The following BFSP1 variants were observed in gnomAD, a reference collection of about 807,000 sequenced individuals.
BFSP1 encodes filensin.
Under a neutral mutation model 43.9 loss-of-function variants are expected in BFSP1, and 38 were observed. The observed-to-expected ratio is 0.87, with a 90% CI of 0.67 to 1.14. BFSP1 has a LOEUF of 1.14. Ranked by LOEUF, BFSP1 falls within the 50% of genes most tolerant of loss-of-function variation. The pLI is 0.00. For missense variants in BFSP1, 850 were observed against 875.1 expected (o/e 0.97, Z 0.36); for synonymous variants, 352 against 354.8 (o/e 0.99, Z 0.09).
chr20:17,520,417 C>T (rs566443760), intron 2 of BFSP1, among the ~76,000 whole-genome samples: 1 of 152,322 alleles, frequency 6.6e-6, no homozygotes, highest in Non-Finnish European at 1.5e-5. Flanking sequence ...GACCTATTCA[C>T]AGGGATCCCA....
intron 2 of BFSP1, 78 bp from the exon 3 acceptor site, chr20:17,514,894 C>A: frequency 7.8e-7 from 1 of 1,284,998 alleles, no homozygotes; most frequent in Non-Finnish European, 1.1e-6. Flanking sequence ...TATGAGCACA[C>A]AGACCACCTG....
chr20:17,563,024 T>C (rs1210276234), upstream of BFSP1: 1 of 152,252 alleles, frequency 6.6e-6, no homozygotes, highest in Admixed American at 6.5e-5. Flanking sequence ...ATGCGGCCTG[T>C]TGGTAAAGGG....
chr20:17,504,943 T>TAAA (rs35319868), intron 5 of BFSP1, among the ~76,000 whole-genome samples: 1 of 139,442 alleles, frequency 7.2e-6, no homozygotes, highest in African/African-American at 2.6e-5. Context: ...TGTTTTGTCT[T>TAAA]AAAAAAAAAA....
chr20:17,540,894 A>G lies in BFSP1; in HGVS notation c.3-15986T>C, dbSNP rs148921149. Among the ~76,000 whole-genome samples, 673 of 152,284 alleles carry G rather than the reference A, an allele frequency of 4.4e-3. 12 individuals are homozygous for G. Among genetic ancestry groups the G allele is most frequent in the East Asian group, 0.018 (93 of 5,188 alleles). On this transcript the variant is annotated intron_variant, in intron 1 of 7. Transcript: ENST00000377868. ...AGTTTCCCACTGTTGCTACTACACC[A>G]TGGGCACTTCACCATGCTTTGTTGA...
chr20:17,512,419 G>GA (rs2034107990), intron 3 of BFSP1, among the ~76,000 whole-genome samples: 2 of 151,706 alleles, frequency 1.3e-5, no homozygotes, highest in South Asian at 4.2e-4. Flanking sequence ...AAAAAAAAGA[G>GA]AAAAAAACCA....
At chr20:17,553,030 T>A (rs893052726) in intron 1 of BFSP1, among the ~76,000 whole-genome samples, 1 of 152,056 alleles carries the variant, frequency 6.6e-6, no homozygotes, top group Non-Finnish European at 1.5e-5. Context: ...AGAGAAGAAG[T>A]CTAAGAACTT....
At chr20:17,501,212 T>C (rs558783481) in intron 5 of BFSP1, among the ~76,000 whole-genome samples, 1 of 152,362 alleles carries the variant, frequency 6.6e-6, no homozygotes, top group East Asian at 1.9e-4. Flanking sequence ...ATTCTTCACT[T>C]ATACACTTTA....
rs371175341 is a variant in BFSP1, at chr20:17,498,070, CAA to C, written c.956+748_956+749del. ...TGCCAAGCATTCGAGTGCTCACAGC[CAA>C]GAGAGAGCACCCAGCGCGAAGGGAA... is the stretch of plus-strand genomic sequence containing the variant. On this transcript the variant is annotated intron_variant, in intron 6 of 7. Coordinates refer to ENST00000377873, the MANE Select transcript of BFSP1 (RefSeq NM_001195.5). Among the ~76,000 whole-genome samples, 41 of 152,278 alleles carry C rather than the reference CAA, an allele frequency of 2.7e-4. No individual in the cohort carries two copies. In the East Asian group the frequency reaches 7.0e-3, roughly 26 times the overall value.
chr20:17,506,121 G>A (rs960786589), intron 5 of BFSP1, among the ~76,000 whole-genome samples: 1 of 152,194 alleles, frequency 6.6e-6, no homozygotes, highest in Non-Finnish European at 1.5e-5. Context: ...TCCGAACGTG[G>A]AGGGGCCTGA....
At chr20:17,552,423 G>A (rs771330239) in intron 1 of BFSP1, among the ~76,000 whole-genome samples, 6 of 152,174 alleles carry the variant, frequency 3.9e-5, no homozygotes, top group Non-Finnish European at 8.8e-5. Flanking sequence ...CAGATCCCAC[G>A]GGATTTCTAC....
intron 2 of BFSP1, 133 bp from the exon 3 acceptor site, chr20:17,514,949 G>A (rs1050369048): frequency 2.7e-6 from 2 of 744,948 alleles, no homozygotes; most frequent in East Asian, 2.7e-5. Context: ...GTCTGGGAGG[G>A]GTCTGAGATT....
intron 6 of BFSP1, 116 bp downstream of exon 6, chr20:17,498,704 C>T: frequency 2.5e-6 from 3 of 1,222,282 alleles, no homozygotes; most frequent in Non-Finnish European, 3.4e-6. Context: ...AGGAATTGTT[C>T]TGTTTCCTTC....
Position 17,498,904 on chromosome 20 carries a change from T to C in BFSP1, c.872A>G (p.Asp291Gly). 1.9e-6 allele frequency: 3 copies of C among 1,614,182 alleles called. No homozygotes were observed. Among genetic ancestry groups the C allele is most frequent in the Non-Finnish European group, 2.5e-6 (3 of 1,180,038 alleles). The change falls in exon 6 of 8, where the codon GAC (aspartate) becomes GGC (glycine). Residue 291 changes from aspartate (D) to glycine (G), a missense_variant. Physicochemically the swap from Asp to Gly is moderately conservative, Grantham distance 94 (BLOSUM62 -1). Transcript: ENST00000377873. Reference sequence around the variant, plus strand: ...CTGGGCGACCGCCAGCTGCCGGCAGTCGTAAGAAGACTTCTCCAGGACCCG... The same window carrying C: ...CTGGGCGACCGCCAGCTGCCGGCAGCCGTAAGAAGACTTCTCCAGGACCCG... Reference protein sequence around the residue: ...TERVLEKSSYDCRQLAVAQQT... With the variant: ...TERVLEKSSYGCRQLAVAQQT...
At chr20:17,557,383 T>TG (rs2035009685) in intron 1 of BFSP1, among the ~76,000 whole-genome samples, 3 of 152,260 alleles carry the variant, frequency 2.0e-5, no homozygotes, top group African/African-American at 4.8e-5. Flanking sequence ...TTGCAGACCA[T>TG]GGGGGGCACC....
In BFSP1 at chr20:17,543,821, C is replaced by T. The variant is rs572046281; in HGVS notation, c.2+14867G>A. On this transcript the variant is annotated intron_variant, in intron 1 of 7. Transcript: ENST00000377868. ...TAAGTTAAATAGTCTGGATTTAAAT[C>T]CTTCATGACCCATTAGCTACATGAC... Among the ~76,000 whole-genome samples the T allele has an allele frequency of 1.3e-4, 20 of 152,298 alleles. No homozygotes were observed. In the South Asian group the frequency reaches 1.7e-3, roughly 13 times the overall value.
chr20:17,566,354 T>C lies in BFSP1; in HGVS notation n.50+2817A>G, dbSNP rs972899799. ...GCCGCTTATATTAATGGTTTTAAAT[T>C]CAAGTGCCTATATGTTCACAGATTA... On this transcript the variant is annotated intron_variant and non_coding_transcript_variant, in intron 1 of 6. Coordinates refer to the BFSP1 transcript ENST00000473415. Among the ~76,000 whole-genome samples the C allele has an allele frequency of 8.5e-5, 13 of 152,174 alleles. 1 individual carries two copies. The highest frequency in any genetic ancestry group is 3.1e-4 in the African/African-American group (13 of 41,452).
chr20:17,515,119 G>A (rs1476496275), intron 2 of BFSP1, among the ~76,000 whole-genome samples: 1 of 152,150 alleles, frequency 6.6e-6, no homozygotes, highest in African/African-American at 2.4e-5. Context: ...TTGGCAACTA[G>A]TGGGTAGAGG....
intron 5 of BFSP1, among the ~76,000 whole-genome samples, chr20:17,505,343 T>C (rs2033909280): frequency 6.6e-6 from 1 of 152,104 alleles, no homozygotes; most frequent in South Asian, 2.1e-4. Flanking sequence ...GGGTCAGTGG[T>C]CTGGGGTGCC....
At chr20:17,566,104 C>G (rs1268121067) in intron 1 of BFSP1, among the ~76,000 whole-genome samples, 2 of 100,236 alleles carry the variant, frequency 2.0e-5, no homozygotes, top group Admixed American at 1.6e-4. Context: ...GGTGACAGAG[C>G]AAGACTCCGT....
Sources: allele counts gnomAD v4.1 joint callset (sites outside exome capture counted in the v4.1 genomes callset), GRCh38; gene constraint gnomAD v4.1.1; transcripts MANE v1.5; gene names NCBI Gene and HGNC (gene_info 2026-07-23, HGNC 2026-07-21).